Variants in TEX9 observed in about 807,000 individuals in gnomAD.
TEX9 encodes testis-expressed protein 9.
TEX9 carries 74 observed loss-of-function variants against 59.6 expected under a neutral mutation model. The ratio of observed to expected loss-of-function variants is 1.24; its 90% CI spans 1.03 to 1.51. TEX9 has a LOEUF of 1.51. Among genes scored for constraint, TEX9 ranks in the 40% most tolerant of loss-of-function variants. TEX9 has a pLI of 0.00. For missense variants in TEX9, 522 were observed against 447.8 expected (o/e 1.17, Z -1.49); for synonymous variants, 186 against 152.2 (o/e 1.22, Z -1.64).
chr15:56,287,590 A>G (rs1254283294), intron 1 of TEX9, among the ~76,000 whole-genome samples: 1 of 152,132 alleles, frequency 6.6e-6, no homozygotes, highest in East Asian at 1.9e-4. Flanking sequence ...ATTGTTATTA[A>G]CTGTAGTCAC....
chr15:56,363,370 T>C (rs1257393057), upstream of TEX9, among the ~76,000 whole-genome samples: 1 of 151,872 alleles, frequency 6.6e-6, no homozygotes, highest in Non-Finnish European at 1.5e-5. Context: ...CATTTCACCA[T>C]GTTGGCCAGG....
intron 12 of TEX9, chr15:56,431,626 T>C: frequency 2.3e-5 from 16 of 685,058 alleles, no homozygotes; most frequent in Non-Finnish European, 3.4e-5. Flanking sequence ...GTTCAAAAGA[T>C]TCTAGATAAT....
In TEX9 at chr15:56,250,007, A is replaced by C. The variant is rs1221796593; in HGVS notation, c.-107+5729A>C. On this transcript the variant is annotated intron_variant, in intron 1 of 5. Coordinates refer to the TEX9 transcript ENST00000560827. ...AGTCCATCTTCCATTTTCTAGGCTC[A>C]ACATAAGTCTTTCAAACCCTACTGC... Among the ~76,000 whole-genome samples, 5 of 152,262 alleles carry C rather than the reference A, an allele frequency of 3.3e-5. No individual in the cohort carries two copies. In the East Asian group the frequency reaches 9.7e-4, roughly 29 times the overall value.
chr15:56,450,935 G>A (rs1168453404), downstream of TEX9, among the ~76,000 whole-genome samples: 1 of 152,070 alleles, frequency 6.6e-6, no homozygotes, highest in East Asian at 1.9e-4. Context: ...CCTATTAGAT[G>A]TGAAACAGTT....
chr15:56,255,014 T>A (rs1411523216), intron 1 of TEX9, among the ~76,000 whole-genome samples: 1 of 151,954 alleles, frequency 6.6e-6, no homozygotes, highest in Non-Finnish European at 1.5e-5. Flanking sequence ...CATTCAAGAA[T>A]CAGTGGAGAG....
intron 1 of TEX9, among the ~76,000 whole-genome samples, chr15:56,349,943 C>T (rs1254202069): frequency 6.6e-6 from 1 of 152,038 alleles, no homozygotes; most frequent in Non-Finnish European, 1.5e-5. Flanking sequence ...GTTCATTTGT[C>T]AAGAATCGGT....
intron 9 of TEX9, chr15:56,410,047 T>C (rs975232009): frequency 2.0e-5 from 3 of 152,204 alleles, no homozygotes; most frequent in African/African-American, 7.2e-5. Context: ...TCATATAGAA[T>C]AGTATCCTGC....
chr15:56,279,924 A>G (rs1170537254), intron 1 of TEX9, among the ~76,000 whole-genome samples: 2 of 152,232 alleles, frequency 1.3e-5, no homozygotes, highest in African/African-American at 4.8e-5. Flanking sequence ...TTTGAAAGAA[A>G]TATGCATTCA....
chr15:56,280,512 A>G (rs755304631), intron 1 of TEX9, among the ~76,000 whole-genome samples: 1 of 152,268 alleles, frequency 6.6e-6, no homozygotes, highest in South Asian at 2.1e-4. Flanking sequence ...TGCATAAGGA[A>G]TAAATTATAT....
At chr15:56,457,897 T>C in the TEX9 span, among the ~76,000 whole-genome samples, 1 of 80,302 alleles carries the variant, frequency 1.2e-5, no homozygotes, top group Non-Finnish European at 3.5e-5. Flanking sequence ...AAATGAAAAC[T>C]TTTTATTTAA....
chr15:56,427,284 G>A (rs1199148720), intron 10 of TEX9, among the ~76,000 whole-genome samples: 15 of 45,546 alleles, frequency 3.3e-4, no homozygotes, highest in Non-Finnish European at 7.2e-4. Context: ...CTTTTTAAAC[G>A]TTTTTAAAAT....
intron 1 of TEX9, chr15:56,249,131 A>C (rs1350422620): frequency 1.3e-5 from 2 of 152,198 alleles, no homozygotes; most frequent in African/African-American, 2.4e-5. Flanking sequence ...AACAAACAAA[A>C]GGTGTGTGAC....
chr15:56,264,652 CTAAG>C (rs1443751938), intron 1 of TEX9, among the ~76,000 whole-genome samples: 8 of 152,320 alleles, frequency 5.3e-5, no homozygotes, highest in Non-Finnish European at 8.8e-5. Context: ...AAATTATTGA[CTAAG>C]TAATCTCTGA....
intron 1 of TEX9, among the ~76,000 whole-genome samples, chr15:56,252,378 C>CATTTTTTT (rs1567062567): frequency 1.4e-5 from 1 of 73,648 alleles, no homozygotes; most frequent in Non-Finnish European, 2.8e-5. Flanking sequence ...ATTAGAAAAA[C>CATTTTTTT]CTTTTTTTTT....
chr15:56,432,228 G>A (rs1397097912), intron 12 of TEX9, among the ~76,000 whole-genome samples: 2 of 152,158 alleles, frequency 1.3e-5, no homozygotes. Context: ...AGAAGGATCT[G>A]GCAGGCCACA....
At chr15:56,391,901 G>A (rs2048233278) in intron 7 of TEX9, among the ~76,000 whole-genome samples, 1 of 152,002 alleles carries the variant, frequency 6.6e-6, no homozygotes, top group African/African-American at 2.4e-5. Context: ...TCAAATGAGT[G>A]TTCTAATGAA....
chr15:56,377,522 A>C (rs1343998637), intron 3 of TEX9, among the ~76,000 whole-genome samples: 1 of 151,752 alleles, frequency 6.6e-6, no homozygotes, highest in Admixed American at 6.6e-5. Context: ...TGTAAATGGG[A>C]TTACTTTTTT....
intron 1 of TEX9, among the ~76,000 whole-genome samples, chr15:56,340,501 C>G (rs1316589361): frequency 1.3e-5 from 2 of 152,036 alleles, no homozygotes; most frequent in Non-Finnish European, 2.9e-5. Flanking sequence ...TTAAAATAAG[C>G]CATTGCTTTT....
At chr15:56,296,279 T>C (rs1449474738) in intron 1 of TEX9, among the ~76,000 whole-genome samples, 3 of 152,246 alleles carry the variant, frequency 2.0e-5, no homozygotes, top group African/African-American at 7.2e-5. Flanking sequence ...TCTAATTACC[T>C]AATTCTGTGA....
Sources: allele counts gnomAD v4.1 joint callset (sites outside exome capture counted in the v4.1 genomes callset), GRCh38; gene constraint gnomAD v4.1.1; transcripts MANE v1.5; gene names NCBI Gene and HGNC (gene_info 2026-07-23, HGNC 2026-07-21).